Variants in TENM3 observed in about 807,000 individuals in gnomAD.
TENM3 encodes the protein teneurin transmembrane protein 3.
TENM3 carries 63 observed loss-of-function variants against 255.1 expected under a neutral mutation model. That is an observed-to-expected ratio of 0.25 (90% CI 0.20 to 0.30). TENM3 has a LOEUF of 0.30. Among genes scored for constraint, TENM3 ranks in the 10% least tolerant of loss-of-function variants. The pLI is 1.00. For missense variants in TENM3, 2,929 were observed against 3,461.1 expected (o/e 0.85, Z 3.86); for synonymous variants, 1,306 against 1,322.3 (o/e 0.99, Z 0.27).
chr4:181,554,638 T>C, the TENM3 span, among the ~76,000 whole-genome samples: 1 of 152,316 alleles, frequency 6.6e-6, no homozygotes, highest in Non-Finnish European at 1.5e-5. Flanking sequence ...CTCATGGATG[T>C]TATTAAATTC....
chr4:181,718,436 T>C, the TENM3 span, among the ~76,000 whole-genome samples: 1 of 152,174 alleles, frequency 6.6e-6, no homozygotes, highest in East Asian at 1.9e-4. Flanking sequence ...TCTCACCCAT[T>C]AAGTCTTCTC....
Position 182,755,072 on chromosome 4 carries a change from G to A in TENM3, c.4705G>A (p.Asp1569Asn). The change falls in exon 22 of 28, where the codon GAC (aspartate) becomes AAC (asparagine). Residue 1569 changes from aspartate (D) to asparagine (N), a missense_variant. By Grantham distance (23) the Asp-to-Asn change is conservative. Coordinates refer to ENST00000511685, the MANE Select transcript of TENM3 (RefSeq NM_001080477.4). Reference protein sequence around the residue: ...SNGNTLRIRRDPNRMPVRVVS... With the variant: ...SNGNTLRIRRNPNRMPVRVVS... Reference sequence around the variant, plus strand: ...TGGCAACACCCTTAGAATTAGACGGGACCCAAATCGCATGCCAGTTCGAGT... The same window carrying A: ...TGGCAACACCCTTAGAATTAGACGGAACCCAAATCGCATGCCAGTTCGAGT... 1 of 1,613,956 alleles carries A rather than the reference G, an allele frequency of 6.2e-7. No homozygotes were observed. The highest frequency in any genetic ancestry group is 2.2e-5 in the East Asian group (1 of 44,884).
the TENM3 span, among the ~76,000 whole-genome samples, chr4:181,526,357 C>T: frequency 6.6e-6 from 1 of 152,012 alleles, no homozygotes; most frequent in Non-Finnish European, 1.5e-5. Context: ...TATTTTGACC[C>T]TGTCAAACCC....
the TENM3 span, among the ~76,000 whole-genome samples, chr4:181,923,527 C>T: frequency 6.6e-6 from 1 of 152,132 alleles, no homozygotes; most frequent in South Asian, 2.1e-4. Context: ...AAATGCTCTG[C>T]ATTTTCTTTA....
the TENM3 span, among the ~76,000 whole-genome samples, chr4:181,685,839 A>T: frequency 1.5e-3 from 222 of 152,312 alleles, no homozygotes; most frequent in African/African-American, 5.1e-3. Flanking sequence ...TGCCAATCTC[A>T]GAAACCCCTA....
chr4:182,118,964 C>A, the TENM3 span, among the ~76,000 whole-genome samples: 1 of 152,058 alleles, frequency 6.6e-6, no homozygotes, highest in African/African-American at 2.4e-5. Context: ...AAAAAATAGG[C>A]CATTAGCGAT....
chr4:182,150,639 C>A (rs930863761), intron 1 of TENM3, among the ~76,000 whole-genome samples: 1 of 151,984 alleles, frequency 6.6e-6, no homozygotes, highest in African/African-American at 2.4e-5. Context: ...AAAACCCACA[C>A]GACTCTGATT....
chr4:181,522,679 A>G, the TENM3 span: 1 of 648,300 alleles, frequency 1.5e-6, no homozygotes, highest in Non-Finnish European at 3.0e-6. Flanking sequence ...AATGATGTGG[A>G]CATAGCTGAT....
At chr4:182,188,318 G>A (rs1452929802) in intron 1 of TENM3, among the ~76,000 whole-genome samples, 2 of 152,026 alleles carry the variant, frequency 1.3e-5, no homozygotes, top group Admixed American at 1.3e-4. Context: ...GTAGATGAGA[G>A]GATTTGGATG....
At chr4:181,835,450 A>G in the TENM3 span, among the ~76,000 whole-genome samples, 1 of 152,350 alleles carries the variant, frequency 6.6e-6, no homozygotes, top group South Asian at 2.1e-4. Context: ...TTAGACTTCA[A>G]CAGTCATTAG....
the TENM3 span, among the ~76,000 whole-genome samples, chr4:182,100,808 CACATATATATACACAT>C: frequency 5.2e-4 from 2 of 3,872 alleles, 1 homozygote; most frequent in Admixed American, 9.6e-3. Flanking sequence ...CATATATATA[CACATATATATACACAT>C]ATATATATAT....
intron 3 of TENM3, among the ~76,000 whole-genome samples, chr4:182,407,808 T>G (rs928667292): frequency 6.6e-6 from 1 of 152,234 alleles, no homozygotes; most frequent in African/African-American, 2.4e-5. Flanking sequence ...TATCTTTGCT[T>G]CTTTATGCTA....
chr4:181,496,918 A>G, the TENM3 span, among the ~76,000 whole-genome samples: 24 of 118,682 alleles, frequency 2.0e-4, no homozygotes, highest in African/African-American at 2.0e-3. Context: ...AGCTCCCTAT[A>G]CACAGAGAAA....
chr4:182,164,773 C>G (rs1268015573), intron 1 of TENM3, among the ~76,000 whole-genome samples: 1 of 152,026 alleles, frequency 6.6e-6, no homozygotes, highest in Non-Finnish European at 1.5e-5. Flanking sequence ...GTTGAATGAG[C>G]AAATGAAAAA....
At chr4:181,484,730 A>AT in the TENM3 span, among the ~76,000 whole-genome samples, 26 of 150,172 alleles carry the variant, frequency 1.7e-4, no homozygotes, top group East Asian at 7.8e-4. Context: ...ATCAGAACTA[A>AT]TTTTTTTTTT....
chr4:181,779,020 C>T, the TENM3 span, among the ~76,000 whole-genome samples: 15 of 152,202 alleles, frequency 9.9e-5, no homozygotes, highest in Middle Eastern at 6.8e-3. Flanking sequence ...ACCAGCACTC[C>T]TGAAGTGAGG....
chr4:181,496,866 T>G, the TENM3 span, among the ~76,000 whole-genome samples: 1 of 152,222 alleles, frequency 6.6e-6, no homozygotes, highest in Non-Finnish European at 1.5e-5. Flanking sequence ...ATCTGGATAA[T>G]CAAAGGTTGG....
intron 23 of TENM3, 118 bp from the exon 24 acceptor site, chr4:182,774,800 A>T: frequency 1.5e-6 from 1 of 668,132 alleles, no homozygotes; most frequent in South Asian, 1.9e-5. Context: ...AAAGGACATC[A>T]TCAGGTACTC....
intron 1 of TENM3, among the ~76,000 whole-genome samples, chr4:182,322,053 A>G (rs1763087199): frequency 6.6e-6 from 1 of 152,360 alleles, no homozygotes; most frequent in African/African-American, 2.4e-5. Context: ...GTCTGTCACC[A>G]TACCTTGAAA....
Sources: allele counts gnomAD v4.1 joint callset (sites outside exome capture counted in the v4.1 genomes callset), GRCh38; gene constraint gnomAD v4.1.1; transcripts MANE v1.5; gene names NCBI Gene and HGNC (gene_info 2026-07-23, HGNC 2026-07-21).